MAPK9: variants seen among roughly 807,000 people sequenced by gnomAD.
MAPK9 encodes the protein mitogen-activated protein kinase 9.
Under a neutral mutation model 57.1 loss-of-function variants are expected in MAPK9, and 30 were observed. The observed-to-expected ratio is 0.53, with a 90% CI of 0.39 to 0.71. The LOEUF is 0.71. MAPK9 is among the 30% of genes least tolerant of loss of function. The probability of loss-of-function intolerance (pLI) is 0.00; values close to 1 mark genes in which losing one functional copy is unlikely to be tolerated. For synonymous variants in MAPK9, 155 were observed against 177.0 expected, an observed-to-expected ratio of 0.88 and a Z score of 0.99; for missense variants, 362 against 521.0, an observed-to-expected ratio of 0.69 and a Z score of 2.97.
chr5:180,284,836 T>TAG (rs1194686138), intron 1 of MAPK9, among the ~76,000 whole-genome samples: 6 of 152,136 alleles, frequency 3.9e-5, no homozygotes, highest in Non-Finnish European at 7.4e-5. Context: ...TGTGGAAAGA[T>TAG]GTCTAAGATA....
chr5:180,264,684 G>T, intron 4 of MAPK9, 97 bp downstream of exon 4: 2 of 1,139,688 alleles, frequency 1.8e-6, no homozygotes, highest in South Asian at 1.7e-5. Context: ...AAAATGTATT[G>T]CCACCTACAT....
At chr5:180,243,289 C>G (rs912837756) in intron 7 of MAPK9, among the ~76,000 whole-genome samples, 17 of 152,208 alleles carry the variant, frequency 1.1e-4, no homozygotes, top group East Asian at 7.7e-4. Context: ...GGAACTGACT[C>G]TTCCCAACCA....
chr5:180,240,082 T>C (rs2127574998), intron 9 of MAPK9, 95 bp from the exon 10 acceptor site: 2 of 861,582 alleles, frequency 2.3e-6, no homozygotes, highest in East Asian at 2.4e-5. Context: ...TTCTAGTCTA[T>C]TTATGATATG....
At position 180,236,433 on chromosome 5, in the gene MAPK9, G is replaced by C; in HGVS notation, c.1226C>G (p.Thr409Arg). 6.2e-7 allele frequency: 1 copy of C among 1,613,864 alleles called. No individual in the cohort carries two copies. Among genetic ancestry groups the C allele is most frequent in the East Asian group, 2.2e-5 (1 of 44,884 alleles). ...MSTEQTLASD[T>R]DSSLDASTGP... ...CGTCGAGGCATCAAGACTGCTGTCT[G>C]TGTCTGAGGCCAGCGTCTGCTCAGT... The change falls in exon 12 of 12, where the codon ACA (threonine) becomes AGA (arginine). Residue 409 changes from threonine to arginine, a missense_variant. By Grantham distance (71) the Thr-to-Arg change is moderately conservative. Transcript: ENST00000452135.
chr5:180,245,304 G>C (rs1757997010), intron 7 of MAPK9, among the ~76,000 whole-genome samples: 1 of 152,244 alleles, frequency 6.6e-6, no homozygotes, highest in Admixed American at 6.5e-5. Context: ...CCGCCTGCTG[G>C]GGGCCTCCAC....
At position 180,247,014 on chromosome 5, in the gene MAPK9, T is replaced by C. The variant is rs1758175800; in HGVS notation, c.688+425A>G. 5.8e-6 allele frequency: 1 copy of C among 171,482 alleles called. No individual in the cohort carries two copies. The highest frequency in any genetic ancestry group is 5.8e-5 in the Admixed American group (1 of 17,138). 10.6% of individuals were successfully genotyped at this position (171,482 alleles called of 1,614,324 possible). A position where few individuals can be genotyped will look rare whatever the true frequency, so the allele number is the denominator to read the frequency against. On this transcript the variant is annotated intron_variant, in intron 7 of 11. Transcript: ENST00000452135. The surrounding 1 kb of genome is among the most constrained non-coding windows in gnomAD (Gnocchi z 4.5). The stretch of plus-strand genomic sequence containing the variant: ...CAATGCATACCAGTAACTAACAAAA[T>C]AGTACTTAATTAAAGCACACAAGCA...
At position 180,247,086 on chromosome 5, in the gene MAPK9, G is replaced by A. The variant is rs917735855; in HGVS notation, c.688+353C>T. On this transcript the variant is annotated intron_variant, in intron 7 of 11. Coordinates refer to ENST00000452135, the MANE Select transcript of MAPK9 (RefSeq NM_002752.5). The surrounding 1 kb of genome is among the most constrained non-coding windows in gnomAD (Gnocchi z 4.5). ...TAGCATCTTTCCTAGTTAAATTAAC[G>A]GAATAAACTAAATAATACAGTATTT... is the stretch of plus-strand genomic sequence containing the variant. 11 of 253,126 alleles carry A rather than the reference G, an allele frequency of 4.3e-5. No homozygotes were observed. The South Asian group carries it at 8.1e-4, about 19-fold the overall frequency. The allele number at this position is 253,126 out of a possible 1,614,324, so 15.7% of individuals were successfully genotyped here.
chr5:180,253,156 C>T (rs182708210), intron 5 of MAPK9, among the ~76,000 whole-genome samples: 287 of 152,332 alleles, frequency 1.9e-3, no homozygotes, highest in African/African-American at 6.6e-3. Context: ...GAGGCAGGCC[C>T]GTTCCTGTGT....
At chr5:180,273,395 T>C (rs1455513046) in intron 2 of MAPK9, among the ~76,000 whole-genome samples, 1 of 152,186 alleles carries the variant, frequency 6.6e-6, no homozygotes, top group Non-Finnish European at 1.5e-5. Context: ...AATTTTTTTT[T>C]TTCTTAAAGT....
At chr5:180,267,968 T>C (rs1760825106) in intron 3 of MAPK9, among the ~76,000 whole-genome samples, 1 of 152,102 alleles carries the variant, frequency 6.6e-6, no homozygotes, top group Admixed American at 6.5e-5. Context: ...GTTCATGCCA[T>C]TCTCCCACCT....
At chr5:180,268,083 T>TA (rs1439389548) in intron 3 of MAPK9, among the ~76,000 whole-genome samples, 1 of 152,026 alleles carries the variant, frequency 6.6e-6, no homozygotes, top group Non-Finnish European at 1.5e-5. Context: ...CTCGGCCTCC[T>TA]AAAGTGCTGG....
At chr5:180,267,454 C>A (rs547143098) in intron 3 of MAPK9, among the ~76,000 whole-genome samples, 5 of 148,712 alleles carry the variant, frequency 3.4e-5, no homozygotes, top group African/African-American at 1.2e-4. Flanking sequence ...CCCGGCTACT[C>A]GGGAGGCTGA....
At chr5:180,239,792 G>A (rs1479807149) in intron 10 of MAPK9, 132 bp downstream of exon 10, 3 of 762,720 alleles carry the variant, frequency 3.9e-6, no homozygotes, top group Non-Finnish European at 6.6e-6. Flanking sequence ...GGAAACTGGG[G>A]AGAAAGAGGC....
At chr5:180,280,416 G>A (rs771066135) in intron 2 of MAPK9, 24 bp downstream of exon 2, 17 of 1,598,548 alleles carry the variant, frequency 1.1e-5, no homozygotes, top group East Asian at 8.9e-5. Context: ...CTCAATCCAC[G>A]CTATTAAAAC....
chr5:180,240,105 T>C, intron 9 of MAPK9, 118 bp from the exon 10 acceptor site: 1 of 709,960 alleles, frequency 1.4e-6, no homozygotes, highest in East Asian at 2.5e-5. Flanking sequence ...TTTAGTTTAA[T>C]TCAACACGTG....
At chr5:180,271,810 T>C (rs1275832135) in intron 2 of MAPK9, among the ~76,000 whole-genome samples, 1 of 152,264 alleles carries the variant, frequency 6.6e-6, no homozygotes, top group East Asian at 1.9e-4. Context: ...GATTCTCTTA[T>C]ATTTCATCAA....
chr5:180,276,380 G>T (rs1470019743), intron 2 of MAPK9, among the ~76,000 whole-genome samples: 1 of 152,004 alleles, frequency 6.6e-6, no homozygotes, highest in African/African-American at 2.4e-5. Flanking sequence ...GAATGGTTTC[G>T]TAAAGCAAAT....
intron 5 of MAPK9, among the ~76,000 whole-genome samples, chr5:180,258,694 A>G (rs1332471297): frequency 6.6e-6 from 1 of 152,042 alleles, no homozygotes; most frequent in East Asian, 1.9e-4. Flanking sequence ...TTACCTCCAA[A>G]CACATGAGAG....
chr5:180,267,358 G>C (rs974310108), intron 3 of MAPK9, among the ~76,000 whole-genome samples: 1 of 151,944 alleles, frequency 6.6e-6, no homozygotes, highest in Non-Finnish European at 1.5e-5. Context: ...TCAGGAGATC[G>C]AGACCATCCT....
Sources: gnomAD v4.1 joint callset for allele counts (sites outside exome capture counted in the v4.1 genomes callset) on GRCh38, gnomAD v4.1.1 for gene constraint, Gnocchi (gnomAD v3.1) non-coding constraint, MANE v1.5 for transcripts, NCBI Gene and HGNC (gene_info 2026-07-23, HGNC 2026-07-21) for gene names.